The following ADAMTSL3 variants were observed in gnomAD, a reference collection of about 807,000 sequenced individuals.
ADAMTSL3 encodes the protein ADAMTS-like protein 3.
Under a neutral mutation model 201.7 loss-of-function variants are expected in ADAMTSL3, and 128 were observed. The observed-to-expected ratio is 0.63, with a 90% CI of 0.55 to 0.73. The LOEUF is 0.73. ADAMTSL3 is among the 30% of genes least tolerant of loss of function. The pLI is 0.00. For synonymous variants in ADAMTSL3, 738 were observed against 748.4 expected (o/e 0.99, Z 0.23); for missense variants, 1,990 against 2,119.6 (o/e 0.94, Z 1.20).
At chr15:83,681,702 T>C (rs2061478159) in intron 2 of ADAMTSL3, among the ~76,000 whole-genome samples, 1 of 152,208 alleles carries the variant, frequency 6.6e-6, no homozygotes. Context: ...AGACTCACAT[T>C]GGATGTGGTC....
At chr15:83,788,703 T>C (rs2063300142) in intron 4 of ADAMTSL3, among the ~76,000 whole-genome samples, 1 of 152,256 alleles carries the variant, frequency 6.6e-6, no homozygotes, top group Admixed American at 6.5e-5. Context: ...TCATTTGTTG[T>C]ATTGGACACT....
At chr15:83,937,345 C>T (rs796528658) in intron 17 of ADAMTSL3, among the ~76,000 whole-genome samples, 2 of 150,894 alleles carry the variant, frequency 1.3e-5, no homozygotes, top group South Asian at 2.1e-4. Flanking sequence ...AGAATGAGAT[C>T]GTGTCCTTTG....
At chr15:83,978,677 C>T (rs1567277811) in intron 20 of ADAMTSL3, among the ~76,000 whole-genome samples, 1 of 152,218 alleles carries the variant, frequency 6.6e-6, no homozygotes, top group Non-Finnish European at 1.5e-5. Flanking sequence ...TGGAACCTGG[C>T]AGCCTGGCAG....
chr15:83,875,609 C>G (rs1289639299), intron 9 of ADAMTSL3, among the ~76,000 whole-genome samples: 7 of 151,792 alleles, frequency 4.6e-5, no homozygotes, highest in Non-Finnish European at 8.8e-5. Context: ...ATGGTGAAAC[C>G]CCATCTCTAC....
intron 10 of ADAMTSL3, among the ~76,000 whole-genome samples, chr15:83,886,092 C>T (rs148473666): frequency 9.9e-5 from 15 of 152,138 alleles, no homozygotes; most frequent in Non-Finnish European, 1.8e-4. Flanking sequence ...TCCACACACA[C>T]GCTACAAAAG....
chr15:83,761,817 C>T (rs963501191), intron 3 of ADAMTSL3, among the ~76,000 whole-genome samples: 3 of 152,210 alleles, frequency 2.0e-5, no homozygotes, highest in Non-Finnish European at 4.4e-5. Context: ...AATGTTGTCT[C>T]TTGCTACAAT....
intron 8 of ADAMTSL3, among the ~76,000 whole-genome samples, chr15:83,868,290 A>T (rs943394486): frequency 1.3e-5 from 2 of 152,218 alleles, no homozygotes; most frequent in Non-Finnish European, 2.9e-5. Flanking sequence ...CAGTAAATAT[A>T]GGGAAATGGT....
chr15:83,760,816 T>C (rs1466834624), intron 3 of ADAMTSL3, among the ~76,000 whole-genome samples: 2 of 152,136 alleles, frequency 1.3e-5, no homozygotes, highest in South Asian at 2.1e-4. Flanking sequence ...TTATGGTAAG[T>C]ATTTTTTTCA....
chr15:83,778,190 A>C (rs773178944), intron 4 of ADAMTSL3, among the ~76,000 whole-genome samples: 17 of 152,194 alleles, frequency 1.1e-4, no homozygotes, highest in Non-Finnish European at 5.9e-5. Context: ...AACTTGGAAA[A>C]CATGTTTCAG....
chr15:83,726,362 C>T (rs973412330), intron 3 of ADAMTSL3, among the ~76,000 whole-genome samples: 2 of 151,978 alleles, frequency 1.3e-5, no homozygotes, highest in African/African-American at 4.8e-5. Context: ...TTACTTCTTC[C>T]TTTCCAATTT....
chr15:83,949,253 A>T (rs528726625), intron 19 of ADAMTSL3, among the ~76,000 whole-genome samples: 1 of 152,282 alleles, frequency 6.6e-6, no homozygotes, highest in Non-Finnish European at 1.5e-5. Flanking sequence ...AAGTGAGAAC[A>T]TGTGATGTTT....
At chr15:83,885,908 A>G (rs1009396149) in intron 10 of ADAMTSL3, among the ~76,000 whole-genome samples, 1 of 152,062 alleles carries the variant, frequency 6.6e-6, no homozygotes, top group African/African-American at 2.4e-5. Flanking sequence ...TATTTTTAGT[A>G]AAGACAGGTT....
Position 83,923,896 on chromosome 15 carries a change from A to C in ADAMTSL3, c.1988-8A>C. On this transcript the variant is annotated splice_region_variant and splice_polypyrimidine_tract_variant and intron_variant, in intron 16 of 29. Coordinates refer to ENST00000286744, the MANE Select transcript of ADAMTSL3 (RefSeq NM_207517.3). ...TCATTTGCATTTTTTCCTCTTTCTA[A>C]CCTGCAGGCCATCAAGAAGCCATAG... The C allele has an allele frequency of 6.2e-7, 1 of 1,613,478 alleles. No individual in the cohort carries two copies. The highest frequency in any genetic ancestry group is 1.3e-5 in the African/African-American group (1 of 75,004).
chr15:83,856,932 T>C (rs1172192785), intron 7 of ADAMTSL3, among the ~76,000 whole-genome samples: 5 of 152,190 alleles, frequency 3.3e-5, no homozygotes, highest in Non-Finnish European at 4.4e-5. Flanking sequence ...TCACCACCAG[T>C]TCACAAGGGT....
intron 2 of ADAMTSL3, among the ~76,000 whole-genome samples, chr15:83,698,623 CAT>C (rs1491419124): frequency 2.5e-5 from 2 of 80,254 alleles, no homozygotes; most frequent in African/African-American, 1.0e-4. Context: ...GTGAGGGCCA[CAT>C]GCCACTGAGT....
intron 3 of ADAMTSL3, among the ~76,000 whole-genome samples, chr15:83,763,800 C>G (rs1016684010): frequency 6.6e-6 from 1 of 152,216 alleles, no homozygotes; most frequent in African/African-American, 2.4e-5. Context: ...CCACCGCACC[C>G]GGCCTAAGAA....
chr15:83,825,375 C>T (rs2063999954), intron 6 of ADAMTSL3, among the ~76,000 whole-genome samples: 1 of 152,112 alleles, frequency 6.6e-6, no homozygotes, highest in Non-Finnish European at 1.5e-5. Flanking sequence ...CTTTGGGAGG[C>T]CAAGACAGGA....
intron 7 of ADAMTSL3, among the ~76,000 whole-genome samples, chr15:83,853,096 C>G (rs974298398): frequency 1.3e-5 from 2 of 152,160 alleles, no homozygotes; most frequent in African/African-American, 2.4e-5. Flanking sequence ...CTCAGGTGAT[C>G]CTCCCGCCTT....
At chr15:83,810,395 T>G (rs1181110840) in intron 5 of ADAMTSL3, among the ~76,000 whole-genome samples, 1 of 152,210 alleles carries the variant, frequency 6.6e-6, no homozygotes, top group Non-Finnish European at 1.5e-5. Context: ...AGTCTAGCCT[T>G]CCTTTTAAAC....
Sources: gnomAD v4.1 joint callset for allele counts (sites outside exome capture counted in the v4.1 genomes callset) on GRCh38, gnomAD v4.1.1 for gene constraint, MANE v1.5 for transcripts, NCBI Gene and HGNC (gene_info 2026-07-23, HGNC 2026-07-21) for gene names.